The following NRG1 variants were observed in gnomAD, a reference collection of about 807,000 sequenced individuals.
The protein encoded by NRG1 is neuregulin 1, also known as pro-neuregulin-1, membrane-bound isoform.
Under a neutral mutation model 63.8 loss-of-function variants are expected in NRG1, and 18 were observed. The ratio of observed to expected loss-of-function variants is 0.28; its 90% CI spans 0.19 to 0.42. NRG1 has a LOEUF of 0.42. Among genes scored for constraint, NRG1 ranks in the 10% least tolerant of loss-of-function variants. The pLI, the probability that NRG1 is intolerant of heterozygous loss-of-function variation, is 1.00. For synonymous variants in NRG1, 302 were observed against 301.3 expected, an observed-to-expected ratio of 1.00 and a Z score of -0.02; for missense variants, 762 against 814.7, an observed-to-expected ratio of 0.94 and a Z score of 0.79.
Position 31,942,579 on chromosome 8 carries a change from A to G in NRG1, c.37+303148A>G, listed in dbSNP as rs546221177. On this transcript the variant is annotated intron_variant, in intron 1 of 10. Coordinates refer to the NRG1 transcript ENST00000519301. ...AAAAAGTTTCTGCACAGCAAAAAAAATAATCAGCAGAGTTAACAGACAATC... is the reference window on the plus strand; with the variant it reads ...AAAAAGTTTCTGCACAGCAAAAAAAGTAATCAGCAGAGTTAACAGACAATC... Among the ~76,000 whole-genome samples the G allele has an allele frequency of 4.6e-5, 7 of 152,336 alleles. No homozygotes were observed. The East Asian group carries it at 1.3e-3, about 29-fold the overall frequency.
intron 1 of NRG1, among the ~76,000 whole-genome samples, chr8:31,809,907 TC>T (rs1303218745): frequency 6.6e-6 from 1 of 151,594 alleles, no homozygotes. Flanking sequence ...GTCTCATGAA[TC>T]CAACTGCTAT....
At chr8:31,923,402 G>A (rs1834074362) in intron 1 of NRG1, among the ~76,000 whole-genome samples, 2 of 152,082 alleles carry the variant, frequency 1.3e-5, no homozygotes, top group African/African-American at 4.8e-5. Flanking sequence ...ATACATTAAT[G>A]AGAGAGATTG....
chr8:32,436,106 AG>A (rs1438493140), intron 1 of NRG1, among the ~76,000 whole-genome samples: 2 of 152,218 alleles, frequency 1.3e-5, no homozygotes, highest in African/African-American at 4.8e-5. Context: ...ATGAACTCAC[AG>A]TTCCACATGG....
chr8:32,107,193 G>A (rs367876104), intron 1 of NRG1, among the ~76,000 whole-genome samples: 11 of 150,308 alleles, frequency 7.3e-5, no homozygotes, highest in Admixed American at 4.0e-4. Flanking sequence ...CCGAGATTGC[G>A]CAACAGAGTG....
chr8:31,754,100 T>C (rs1816737578), intron 1 of NRG1, among the ~76,000 whole-genome samples: 1 of 152,082 alleles, frequency 6.6e-6, no homozygotes, highest in Non-Finnish European at 1.5e-5. Flanking sequence ...ATTTCCTTGA[T>C]CAATGTTAAC....
intron 1 of NRG1, among the ~76,000 whole-genome samples, chr8:32,071,490 C>A (rs577852340): frequency 5.9e-5 from 9 of 152,326 alleles, no homozygotes; most frequent in African/African-American, 2.2e-4. Flanking sequence ...ATCAGGGATG[C>A]ATTCCTGTAT....
intron 1 of NRG1, among the ~76,000 whole-genome samples, chr8:32,550,690 G>T (rs1188676979): frequency 6.6e-6 from 1 of 152,206 alleles, no homozygotes; most frequent in Non-Finnish European, 1.5e-5. Context: ...TAGGTAGGCA[G>T]CTGTCTTGTG....
chr8:32,121,814 A>G (rs958880491), intron 1 of NRG1, among the ~76,000 whole-genome samples: 3 of 152,002 alleles, frequency 2.0e-5, no homozygotes, highest in South Asian at 2.1e-4. Flanking sequence ...AATTCCTGCC[A>G]TAGAGTGTTT....
intron 1 of NRG1, among the ~76,000 whole-genome samples, chr8:31,868,696 T>C (rs1377052767): frequency 6.6e-6 from 1 of 152,238 alleles, no homozygotes; most frequent in African/African-American, 2.4e-5. Context: ...TAGTAATCTT[T>C]CACCGTGCAC....
At chr8:31,724,368 A>G (rs867679059) in intron 1 of NRG1, among the ~76,000 whole-genome samples, 1 of 152,148 alleles carries the variant, frequency 6.6e-6, no homozygotes, top group African/African-American at 2.4e-5. Flanking sequence ...GAAATATGAA[A>G]GGAGTCCAAG....
At chr8:32,361,137 T>C (rs1309371252) in intron 1 of NRG1, among the ~76,000 whole-genome samples, 1 of 152,134 alleles carries the variant, frequency 6.6e-6, no homozygotes, top group Non-Finnish European at 1.5e-5. Flanking sequence ...TCTTCAAATG[T>C]AATATCTGTT....
intron 5 of NRG1, among the ~76,000 whole-genome samples, chr8:32,670,178 T>C (rs914296814): frequency 2.6e-5 from 4 of 152,224 alleles, no homozygotes; most frequent in African/African-American, 9.6e-5. Flanking sequence ...GCTAAACCTG[T>C]TATGCTACAG....
intron 1 of NRG1, among the ~76,000 whole-genome samples, chr8:31,667,981 A>C (rs970584046): frequency 5.3e-5 from 8 of 152,206 alleles, no homozygotes; most frequent in African/African-American, 1.9e-4. Flanking sequence ...TAGAAAAAAT[A>C]AAATGATGGG....
chr8:31,715,955 A>G (rs1812309297), intron 1 of NRG1, among the ~76,000 whole-genome samples: 1 of 152,216 alleles, frequency 6.6e-6, no homozygotes, highest in African/African-American at 2.4e-5. Context: ...GTTTCAAGAC[A>G]GTGCTTTTAA....
At chr8:32,431,385 C>T (rs1245124857) in intron 1 of NRG1, among the ~76,000 whole-genome samples, 2 of 152,078 alleles carry the variant, frequency 1.3e-5, no homozygotes, top group African/African-American at 2.4e-5. Context: ...TGCTGATAAA[C>T]GGGAAGCCAC....
intron 1 of NRG1, among the ~76,000 whole-genome samples, chr8:32,213,009 C>A (rs1844846517): frequency 6.6e-6 from 1 of 152,146 alleles, no homozygotes; most frequent in African/African-American, 2.4e-5. Context: ...TTCCCCTAAA[C>A]TCCTTTTTAC....
intron 1 of NRG1, among the ~76,000 whole-genome samples, chr8:31,702,729 T>C (rs1022658762): frequency 8.5e-5 from 13 of 152,162 alleles, no homozygotes; most frequent in African/African-American, 1.4e-4. Context: ...TAACTTCTTA[T>C]GATGTCTCAA....
At chr8:32,034,554 T>C (rs1818752175) in intron 1 of NRG1, among the ~76,000 whole-genome samples, 1 of 152,214 alleles carries the variant, frequency 6.6e-6, no homozygotes, top group Non-Finnish European at 1.5e-5. Flanking sequence ...TCTGATAGAA[T>C]TCAGCTGTAG....
At chr8:31,770,848 G>C (rs1428904412) in intron 1 of NRG1, among the ~76,000 whole-genome samples, 1 of 148,994 alleles carries the variant, frequency 6.7e-6, no homozygotes, top group Non-Finnish European at 1.5e-5. Flanking sequence ...ACATACATAG[G>C]CATTGCGATA....
Sources: gnomAD v4.1 joint callset for allele counts (sites outside exome capture counted in the v4.1 genomes callset) on GRCh38, gnomAD v4.1.1 for gene constraint, MANE v1.5 for transcripts, NCBI Gene and HGNC (gene_info 2026-07-23, HGNC 2026-07-21) for gene names.